The following KLHL32 variants were observed in gnomAD, a reference collection of about 807,000 sequenced individuals.
KLHL32 encodes the protein kelch like family member 32.
A neutral mutation model predicts 64.8 loss-of-function variants in KLHL32; 35 were observed. The ratio of observed to expected loss-of-function variants is 0.54; its 90% CI spans 0.41 to 0.72. The LOEUF (loss-of-function observed/expected upper bound fraction) is 0.72, where lower values mean the gene tolerates loss of function less well. KLHL32 is among the 30% of genes least tolerant of loss of function. The probability of loss-of-function intolerance (pLI) is 0.00; values close to 1 mark genes in which losing one functional copy is unlikely to be tolerated. For missense variants in KLHL32, 589 were observed against 768.5 expected, an observed-to-expected ratio of 0.77 and a Z score of 2.76; for synonymous variants, 259 against 281.0, an observed-to-expected ratio of 0.92 and a Z score of 0.78.
At chr6:96,977,964 T>C (rs1357547702) in intron 3 of KLHL32, among the ~76,000 whole-genome samples, 1 of 152,160 alleles carries the variant, frequency 6.6e-6, no homozygotes, top group African/African-American at 2.4e-5. Context: ...ACTCACATTG[T>C]CAGGTATTCT....
chr6:96,962,011 G>A (rs1773935065), intron 1 of KLHL32, among the ~76,000 whole-genome samples: 1 of 152,114 alleles, frequency 6.6e-6, no homozygotes, highest in Admixed American at 6.5e-5. Flanking sequence ...GTAACTAGTG[G>A]GAGTTTAGTT....
intron 3 of KLHL32, among the ~76,000 whole-genome samples, chr6:97,037,682 T>G (rs1475767496): frequency 1.3e-5 from 2 of 152,066 alleles, no homozygotes; most frequent in Non-Finnish European, 2.9e-5. Context: ...AAAAAAATCT[T>G]AAATATAAAT....
chr6:97,085,094 A>T (rs750871780), intron 5 of KLHL32, 32 bp from the exon 6 acceptor site: 1 of 1,572,482 alleles, frequency 6.4e-7, no homozygotes, highest in Non-Finnish European at 8.7e-7. Context: ...TTTCTAAGAG[A>T]TCTTTTTTCA....
chr6:97,021,853 C>T (rs1468888303), intron 3 of KLHL32, among the ~76,000 whole-genome samples: 2 of 150,906 alleles, frequency 1.3e-5, no homozygotes, highest in East Asian at 3.9e-4. Context: ...CTGCTTATTG[C>T]ACAGTTTTTT....
At chr6:96,905,510 T>TC in the KLHL32 span, among the ~76,000 whole-genome samples, 3 of 152,230 alleles carry the variant, frequency 2.0e-5, no homozygotes, top group Admixed American at 2.0e-4. Flanking sequence ...TGCATCTGAA[T>TC]CTTGGTTCTA....
rs1177977071 is a variant in KLHL32 at position 97,128,915 on chromosome 6, C to T, written c.1413+1453C>T. ...TGGACTGCTAATGCAAACATTGATT[C>T]CTAATACTGTAATGGGTTGTTTCAT... is the stretch of plus-strand genomic sequence containing the variant. On this transcript the variant is annotated intron_variant, in intron 8 of 10. Coordinates refer to ENST00000369261, the MANE Select transcript of KLHL32 (RefSeq NM_052904.4). Among the ~76,000 whole-genome samples, 3 of 152,224 alleles carry T rather than the reference C, an allele frequency of 2.0e-5. 1 individual carries two copies. Among genetic ancestry groups the T allele is most frequent in the African/African-American group, 7.2e-5 (3 of 41,460 alleles).
chr6:96,965,763 C>T (rs1344891306), intron 1 of KLHL32, among the ~76,000 whole-genome samples: 1 of 152,152 alleles, frequency 6.6e-6, no homozygotes, highest in East Asian at 1.9e-4. Context: ...ACTGCCCGTG[C>T]TGCTCAGTCA....
chr6:97,127,705 T>C (rs1366532952), intron 8 of KLHL32, among the ~76,000 whole-genome samples: 2 of 152,224 alleles, frequency 1.3e-5, no homozygotes, highest in Non-Finnish European at 2.9e-5. Context: ...TTCTGCATAA[T>C]ATAGAAATGA....
At chr6:97,085,463 A>T in intron 6 of KLHL32, 122 bp downstream of exon 6, 4 of 798,524 alleles carry the variant, frequency 5.0e-6, no homozygotes, top group Non-Finnish European at 8.0e-6. Context: ...TTGTTTTAGA[A>T]GTCATGCTTC....
At chr6:97,073,055 G>C (rs1353998911) in intron 5 of KLHL32, among the ~76,000 whole-genome samples, 1 of 152,072 alleles carries the variant, frequency 6.6e-6, no homozygotes, top group Non-Finnish European at 1.5e-5. Flanking sequence ...ATCCTACATC[G>C]GTGAGTGCTC....
chr6:96,950,423 G>A (rs1398652953), intron 1 of KLHL32, among the ~76,000 whole-genome samples: 1 of 151,362 alleles, frequency 6.6e-6, no homozygotes, highest in Admixed American at 6.6e-5. Context: ...TCATGCCCAC[G>A]TTCTTTCTTC....
At chr6:96,924,542 A>G (rs1768895457), upstream of KLHL32, 1 of 148,192 alleles carries the variant, frequency 6.7e-6, no homozygotes, top group African/African-American at 2.5e-5. Flanking sequence ...CGGGGTGGCG[A>G]AAGGATGTGC....
At chr6:97,071,598 C>T (rs938348386) in intron 5 of KLHL32, among the ~76,000 whole-genome samples, 2 of 152,106 alleles carry the variant, frequency 1.3e-5, no homozygotes, top group African/African-American at 2.4e-5. Flanking sequence ...TGCCCAAATT[C>T]GCCTTTGCCC....
chr6:97,065,575 G>T (rs1789620699), intron 5 of KLHL32, among the ~76,000 whole-genome samples: 1 of 152,054 alleles, frequency 6.6e-6, no homozygotes, highest in Non-Finnish European at 1.5e-5. Context: ...TCCCCCACTG[G>T]TGTCACCTTC....
In KLHL32 at chr6:96,995,065, A is replaced by G. The variant is rs564840455; in HGVS notation, c.204+18888A>G. On this transcript the variant is annotated intron_variant, in intron 3 of 10. Coordinates refer to ENST00000369261, the MANE Select transcript of KLHL32 (RefSeq NM_052904.4). Reference sequence around the variant, plus strand: ...TAGCCAAATCCCGTTACTTCTGTGAACCTATGTTTTTTCATCTATACATTG... The same window carrying G: ...TAGCCAAATCCCGTTACTTCTGTGAGCCTATGTTTTTTCATCTATACATTG... Among the ~76,000 whole-genome samples, 10 of 152,292 alleles carry G rather than the reference A, an allele frequency of 6.6e-5. No homozygotes were observed. In the East Asian group the frequency reaches 1.9e-3, roughly 29 times the overall value.
chr6:97,113,734 T>C, intron 6 of KLHL32, 49 bp from the exon 7 acceptor site: 4 of 1,581,276 alleles, frequency 2.5e-6, no homozygotes, highest in Non-Finnish European at 3.4e-6. Context: ...TGCTTTCTCT[T>C]TCTTTCTTAC....
intron 7 of KLHL32, among the ~76,000 whole-genome samples, chr6:97,119,832 TAATA>T (rs777969313): frequency 5.9e-5 from 9 of 152,192 alleles, no homozygotes; most frequent in Non-Finnish European, 1.3e-4. Flanking sequence ...CATTATAAAT[TAATA>T]AATAGCATTT....
intron 3 of KLHL32, among the ~76,000 whole-genome samples, chr6:97,036,182 T>G (rs953416775): frequency 6.6e-6 from 1 of 152,218 alleles, no homozygotes; most frequent in Non-Finnish European, 1.5e-5. Context: ...TTTGTTTGCT[T>G]CATTTTTGTG....
At chr6:97,078,687 A>G (rs1453650175) in intron 5 of KLHL32, among the ~76,000 whole-genome samples, 1 of 152,212 alleles carries the variant, frequency 6.6e-6, no homozygotes, top group East Asian at 1.9e-4. Flanking sequence ...GAACTAGATG[A>G]GACAGCAAGA....
Sources: allele counts gnomAD v4.1 joint callset (sites outside exome capture counted in the v4.1 genomes callset), GRCh38; gene constraint gnomAD v4.1.1; transcripts MANE v1.5; gene names NCBI Gene and HGNC (gene_info 2026-07-23, HGNC 2026-07-21).